Variants in MBTPS1 observed in about 807,000 individuals in gnomAD.
The protein encoded by MBTPS1 is membrane bound transcription factor peptidase, site 1, also known as membrane-bound transcription factor site-1 protease.
Under a neutral mutation model 127.8 loss-of-function variants are expected in MBTPS1, and 94 were observed. That is an observed-to-expected ratio of 0.74 (90% CI 0.62 to 0.87). The LOEUF (loss-of-function observed/expected upper bound fraction) is 0.87, where lower values mean the gene tolerates loss of function less well. MBTPS1 is among the 40% of genes least tolerant of loss of function. The pLI is 0.00. For missense variants in MBTPS1, 1,636 were observed against 1,353.2 expected, an observed-to-expected ratio of 1.21 and a Z score of -3.28; for synonymous variants, 632 against 509.4, an observed-to-expected ratio of 1.24 and a Z score of -3.24.
intron 8 of MBTPS1, among the ~76,000 whole-genome samples, chr16:84,088,830 A>G (rs116249274): frequency 0.058 from 8,783 of 152,064 alleles, 330 homozygotes; most frequent in African/African-American, 0.1. Flanking sequence ...AACCACACCC[A>G]CCACAAGCTG....
chr16:84,100,383 A>G (rs555736108), intron 2 of MBTPS1, among the ~76,000 whole-genome samples: 4 of 152,196 alleles, frequency 2.6e-5, no homozygotes, highest in African/African-American at 9.7e-5. Context: ...AGTCTCTACT[A>G]AAAAGACAAA....
intron 4 of MBTPS1, 125 bp downstream of exon 4, chr16:84,095,477 A>G: frequency 1.0e-6 from 1 of 971,206 alleles, no homozygotes; most frequent in South Asian, 1.6e-5. Context: ...GGAAGGCTGC[A>G]GGGCTTTAGC....
intron 8 of MBTPS1, among the ~76,000 whole-genome samples, chr16:84,090,672 G>A (rs573795387): frequency 6.6e-6 from 1 of 152,152 alleles, no homozygotes; most frequent in Non-Finnish European, 1.5e-5. Context: ...CGGCCTTGAG[G>A]TGACAACTGC....
chr16:84,073,128 A>G (rs944504210), intron 12 of MBTPS1, among the ~76,000 whole-genome samples: 14 of 152,166 alleles, frequency 9.2e-5, no homozygotes, highest in African/African-American at 1.7e-4. Flanking sequence ...TGCCATGCAT[A>G]TAGTTGAATT....
At chr16:84,109,763 C>G (rs1418659864) in intron 1 of MBTPS1, among the ~76,000 whole-genome samples, 3 of 152,222 alleles carry the variant, frequency 2.0e-5, no homozygotes, top group Non-Finnish European at 2.9e-5. Context: ...CTGGATCCAT[C>G]TGCTGTAACA....
intron 9 of MBTPS1, chr16:84,086,676 G>T (rs1220571748): frequency 6.6e-6 from 1 of 152,300 alleles, no homozygotes; most frequent in Non-Finnish European, 1.5e-5. Context: ...CTCCGAGTGT[G>T]GCATGTGACG....
chr16:84,078,967 T>G (rs1342227721), intron 11 of MBTPS1, among the ~76,000 whole-genome samples: 1 of 152,216 alleles, frequency 6.6e-6, no homozygotes, highest in Non-Finnish European at 1.5e-5. Context: ...AATCTCACGC[T>G]GACGTGTAAT....
intron 11 of MBTPS1, among the ~76,000 whole-genome samples, chr16:84,080,742 C>A (rs189828325): frequency 9.8e-5 from 15 of 152,384 alleles, no homozygotes; most frequent in African/African-American, 3.1e-4. Context: ...CTGTGCGAGC[C>A]TCTTCCTCCC....
At chr16:84,073,273 AC>A (rs1412554153) in intron 12 of MBTPS1, among the ~76,000 whole-genome samples, 3 of 152,146 alleles carry the variant, frequency 2.0e-5, no homozygotes, top group Non-Finnish European at 4.4e-5. Context: ...AGCTGGGATT[AC>A]AAGCGTGTGT....
At chr16:84,078,231 C>A (rs1363201999) in intron 11 of MBTPS1, among the ~76,000 whole-genome samples, 3 of 152,142 alleles carry the variant, frequency 2.0e-5, no homozygotes, top group African/African-American at 7.2e-5. Context: ...CGGGCGCTCT[C>A]GACCCGGACC....
intron 12 of MBTPS1, among the ~76,000 whole-genome samples, chr16:84,073,258 C>A (rs1350096127): frequency 6.6e-6 from 1 of 152,078 alleles, no homozygotes; most frequent in East Asian, 1.9e-4. Flanking sequence ...TTCAGCCTCC[C>A]GAGTAGCTGG....
At position 84,103,140 on chromosome 16, in the gene MBTPS1, C is replaced by T. The variant is rs188817945; in HGVS notation, c.-324-1033G>A. 8.4e-4 allele frequency among the ~76,000 whole-genome samples: 128 copies of T among 152,200 alleles called. 1 individual carries two copies. The highest frequency in any genetic ancestry group is 3.0e-3 in the African/African-American group (125 of 41,540). On this transcript the variant is annotated intron_variant, in intron 1 of 22. Coordinates refer to ENST00000343411, the MANE Select transcript of MBTPS1 (RefSeq NM_003791.4). ...AGAACAATGCTGGCTGTAGCATAACCAGAAAAACAGTTGCACAGACCATAC... is the reference window on the plus strand; with the variant it reads ...AGAACAATGCTGGCTGTAGCATAACTAGAAAAACAGTTGCACAGACCATAC...
chr16:84,066,983 T>C (rs1407977676), intron 16 of MBTPS1, among the ~76,000 whole-genome samples: 1 of 152,218 alleles, frequency 6.6e-6, no homozygotes, highest in Admixed American at 6.5e-5. Context: ...AAGGTGATTA[T>C]GTTTATAATA....
At chr16:84,063,750 TA>T (rs897968447) in intron 18 of MBTPS1, among the ~76,000 whole-genome samples, 6 of 149,122 alleles carry the variant, frequency 4.0e-5, no homozygotes, top group African/African-American at 4.9e-5. Context: ...GCCTCTATCT[TA>T]AAAAAAAAAC....
In MBTPS1 at chr16:84,087,479, AAAAAAAAAAG is replaced by A. The variant is rs759013220; in HGVS notation, c.1032-29_1032-20del. Reference sequence around the variant, plus strand: ...CAGAGTGCTATATTGAGACCAAAAAAAAAAAAAAAGAAAAGAAAAAGAAAAAAACAAGAGA... The same window carrying A: ...CAGAGTGCTATATTGAGACCAAAAAAAAAAGAAAAAGAAAAAAACAAGAGA... On this transcript the variant is annotated intron_variant, in intron 8 of 22. Transcript: ENST00000343411. 44 of 1,426,350 alleles carry A rather than the reference AAAAAAAAAAG, an allele frequency of 3.1e-5. No individual in the cohort carries two copies. In the African/African-American group the frequency reaches 3.4e-4, roughly 11 times the overall value. The allele number at this position is 1,426,350 out of a possible 1,614,324, so 88.4% of individuals were successfully genotyped here. A position where few individuals can be genotyped will look rare whatever the true frequency, so the allele number is the denominator to read the frequency against.
intron 14 of MBTPS1, among the ~76,000 whole-genome samples, chr16:84,068,988 C>G (rs1334131514): frequency 6.6e-6 from 1 of 152,316 alleles, no homozygotes; most frequent in East Asian, 1.9e-4. Flanking sequence ...CACCTCCCAG[C>G]AGCACAGACT....
intron 17 of MBTPS1, among the ~76,000 whole-genome samples, 171 bp from the exon 18 acceptor site, chr16:84,065,938 TCTC>T (rs980911393): frequency 6.6e-5 from 10 of 152,240 alleles, no homozygotes; most frequent in South Asian, 2.1e-4. Flanking sequence ...GTACAAGTAA[TCTC>T]CTCAAAATTC....
chr16:84,081,000 C>T (rs891756116), intron 11 of MBTPS1, among the ~76,000 whole-genome samples: 1 of 152,202 alleles, frequency 6.6e-6, no homozygotes, highest in African/African-American at 2.4e-5. Flanking sequence ...ACCAAGAAGA[C>T]AGGACAATGA....
intron 1 of MBTPS1, among the ~76,000 whole-genome samples, chr16:84,109,060 C>T (rs1488665200): frequency 6.6e-6 from 1 of 152,230 alleles, no homozygotes; most frequent in Non-Finnish European, 1.5e-5. Flanking sequence ...GCAGTGAAAT[C>T]CCAACAGCAA....
Sources: allele counts gnomAD v4.1 joint callset (sites outside exome capture counted in the v4.1 genomes callset), GRCh38; gene constraint gnomAD v4.1.1; transcripts MANE v1.5; gene names NCBI Gene and HGNC (gene_info 2026-07-23, HGNC 2026-07-21).